PDE4B: variants seen among roughly 807,000 people sequenced by gnomAD.
PDE4B encodes the protein 3',5'-cyclic-AMP phosphodiesterase 4B.
In PDE4B, 20 loss-of-function variants were observed where a neutral mutation model predicts 82.2. The ratio of observed to expected loss-of-function variants is 0.24; its 90% CI spans 0.17 to 0.35. PDE4B has a LOEUF of 0.35. PDE4B is among the 10% of genes least tolerant of loss of function. The pLI, the probability that PDE4B is intolerant of heterozygous loss-of-function variation, is 1.00. For synonymous variants in PDE4B, 320 were observed against 318.9 expected (o/e 1.00, Z -0.04); for missense variants, 655 against 907.2 (o/e 0.72, Z 3.57).
intron 7 of PDE4B, among the ~76,000 whole-genome samples, chr1:66,289,694 A>G (rs1299102701): frequency 7.9e-6 from 1 of 127,268 alleles, no homozygotes; most frequent in African/African-American, 2.8e-5. Context: ...AAAATGGAGA[A>G]GAGAAAATGT....
chr1:66,127,754 CA>C (rs1234721480), intron 3 of PDE4B, among the ~76,000 whole-genome samples: 3 of 152,090 alleles, frequency 2.0e-5, no homozygotes, highest in Non-Finnish European at 4.4e-5. Context: ...ATTTAGAAAA[CA>C]TTTTTTTATC....
intron 3 of PDE4B, among the ~76,000 whole-genome samples, chr1:66,145,667 A>G (rs765484427): frequency 3.3e-5 from 5 of 152,304 alleles, no homozygotes; most frequent in South Asian, 4.1e-4. Flanking sequence ...TGAAGTAGCA[A>G]TCCTGTGGTC....
At chr1:65,983,960 C>G (rs1191296292) in intron 3 of PDE4B, among the ~76,000 whole-genome samples, 2 of 151,960 alleles carry the variant, frequency 1.3e-5, no homozygotes, top group African/African-American at 4.8e-5. Context: ...TATATATGAC[C>G]CAGGAATCCT....
intron 3 of PDE4B, among the ~76,000 whole-genome samples, chr1:65,982,947 C>T (rs901333273): frequency 6.6e-6 from 1 of 152,138 alleles, no homozygotes; most frequent in Admixed American, 6.6e-5. Flanking sequence ...AAAATAGGAC[C>T]ACCTCCTTGG....
chr1:65,862,684 C>CT lies in PDE4B; in HGVS notation c.-70-50554dup, dbSNP rs372499926. ...GCTGTGAATCCGTCTGGTCCTGGAC[C>CT]TTTTTTTGGTTGGTATGCTATTAAT... On this transcript the variant is annotated intron_variant, in intron 1 of 16. Transcript: ENST00000341517. Among the ~76,000 whole-genome samples the CT allele has an allele frequency of 2.5e-3, 386 of 151,892 alleles. 4 individuals carry two copies. The highest frequency in any genetic ancestry group is 8.9e-3 in the African/African-American group (367 of 41,460).
At chr1:66,016,270 A>G (rs1652770692) in intron 3 of PDE4B, among the ~76,000 whole-genome samples, 1 of 152,178 alleles carries the variant, frequency 6.6e-6, no homozygotes. Flanking sequence ...ACAGGAAGAG[A>G]CTCATTAATT....
At chr1:66,283,367 GTATATATGTATA>G (rs1483275271) in intron 7 of PDE4B, among the ~76,000 whole-genome samples, 27 of 151,628 alleles carry the variant, frequency 1.8e-4, no homozygotes, top group African/African-American at 6.5e-4. Context: ...ATATATATGT[GTATATATGTATA>G]TATATATGTA....
intron 8 of PDE4B, among the ~76,000 whole-genome samples, chr1:66,333,093 A>C (rs1224399342): frequency 6.6e-6 from 1 of 152,206 alleles, no homozygotes; most frequent in East Asian, 1.9e-4. Flanking sequence ...AATTCCCTCT[A>C]AAAAGAAGGA....
chr1:66,252,896 G>A (rs1006631602), intron 4 of PDE4B, among the ~76,000 whole-genome samples: 1 of 152,164 alleles, frequency 6.6e-6, no homozygotes, highest in South Asian at 2.1e-4. Context: ...CTAAGATTGT[G>A]CCACTGCACT....
intron 3 of PDE4B, among the ~76,000 whole-genome samples, chr1:66,145,519 G>C (rs2101165182): frequency 6.6e-6 from 1 of 152,236 alleles, no homozygotes; most frequent in African/African-American, 2.4e-5. Context: ...GCTCTTATGG[G>C]CTCCAAAAGC....
At chr1:65,837,313 C>T (rs576778254) in intron 1 of PDE4B, among the ~76,000 whole-genome samples, 3 of 152,236 alleles carry the variant, frequency 2.0e-5, no homozygotes, top group Non-Finnish European at 4.4e-5. Context: ...ACCTACAGGC[C>T]GGGCACAGTG....
intron 9 of PDE4B, among the ~76,000 whole-genome samples, chr1:66,356,051 G>A (rs917076985): frequency 6.6e-6 from 1 of 152,172 alleles, no homozygotes; most frequent in Non-Finnish European, 1.5e-5. Flanking sequence ...TGTTTTGTAG[G>A]GGATATGGTT....
chr1:65,992,711 C>T, intron 3 of PDE4B: 1 of 1,331,270 alleles, frequency 7.5e-7, no homozygotes, highest in Non-Finnish European at 9.6e-7. Context: ...CCTGATAAAG[C>T]TCCTTGTGAC....
chr1:66,157,276 C>A (rs1646519769), intron 3 of PDE4B, among the ~76,000 whole-genome samples: 1 of 152,170 alleles, frequency 6.6e-6, no homozygotes, highest in African/African-American at 2.4e-5. Context: ...CCTCTGCCAA[C>A]CTAGAGAAAG....
chr1:66,081,549 G>A (rs1256077959), intron 3 of PDE4B, among the ~76,000 whole-genome samples: 2 of 152,152 alleles, frequency 1.3e-5, no homozygotes, highest in Admixed American at 1.3e-4. Flanking sequence ...GTAGAATAAA[G>A]TGTATATAAT....
At chr1:65,973,900 C>G (rs1650274960) in intron 3 of PDE4B, among the ~76,000 whole-genome samples, 1 of 152,090 alleles carries the variant, frequency 6.6e-6, no homozygotes, top group Non-Finnish European at 1.5e-5. Context: ...GTAACGTCCA[C>G]CTCCTGGGTT....
At chr1:66,136,231 C>A (rs368567885) in intron 3 of PDE4B, among the ~76,000 whole-genome samples, 1 of 152,154 alleles carries the variant, frequency 6.6e-6, no homozygotes, top group Non-Finnish European at 1.5e-5. Context: ...GGTGCTATAG[C>A]ATTTATCCTG....
intron 16 of PDE4B, among the ~76,000 whole-genome samples, chr1:66,370,150 CAAAAAAAAAAAAAAAA>C (rs752920376): frequency 1.7e-3 from 48 of 28,658 alleles, no homozygotes; most frequent in African/African-American, 4.1e-3. Flanking sequence ...GACTCTATCT[CAAAAAAAAAAAAAAAA>C]AAAAAAAAAA....
intron 7 of PDE4B, among the ~76,000 whole-genome samples, chr1:66,284,097 G>A (rs576092962): frequency 1.3e-5 from 2 of 152,140 alleles, no homozygotes; most frequent in South Asian, 2.1e-4. Flanking sequence ...GATTTATAAC[G>A]CAGTGTAATA....
Sources: allele counts gnomAD v4.1 joint callset (sites outside exome capture counted in the v4.1 genomes callset), GRCh38; gene constraint gnomAD v4.1.1; transcripts MANE v1.5; gene names NCBI Gene and HGNC (gene_info 2026-07-23, HGNC 2026-07-21).